STC1: variants seen among roughly 807,000 people sequenced by gnomAD.
The protein encoded by STC1 is stanniocalcin-1.
Under a neutral mutation model 22.6 loss-of-function variants are expected in STC1, and 7 were observed. The ratio of observed to expected loss-of-function variants is 0.31; its 90% CI spans 0.18 to 0.58. The LOEUF (loss-of-function observed/expected upper bound fraction) is 0.58. STC1 is among the 20% of genes least tolerant of loss of function. STC1 has a pLI of 0.89. For synonymous variants in STC1, 113 were observed against 120.7 expected (o/e 0.94, Z 0.42); for missense variants, 224 against 311.0 (o/e 0.72, Z 2.10).
intron 1 of STC1, among the ~76,000 whole-genome samples, chr8:23,853,125 G>A (rs187852252): frequency 9.2e-5 from 14 of 152,278 alleles, no homozygotes; most frequent in African/African-American, 1.4e-4. Context: ...GAAGAAAACC[G>A]CAAAAAACTT....
Position 23,845,039 on chromosome 8 carries a change from A to G in STC1, c.475T>C (p.Tyr159His). 1 of 1,613,762 alleles carries G rather than the reference A, an allele frequency of 6.2e-7. No individual in the cohort carries two copies. The highest frequency in any genetic ancestry group is 8.5e-7 in the Non-Finnish European group (1 of 1,179,784). The change falls in exon 4 of 4, where the codon TAC becomes CAC. Residue 159 changes from tyrosine (Y) to histidine (H), a missense_variant and splice_region_variant. By Grantham distance (83) the Tyr-to-His change is moderately conservative (BLOSUM62 2). Transcript: ENST00000290271. Reference sequence around the variant, plus strand: ...AGGCTTCGGACAAGTCTGTTATAGTATCTGCATCAAGAAAGAGAGTGCATA... The same window carrying G: ...AGGCTTCGGACAAGTCTGTTATAGTGTCTGCATCAAGAAAGAGAGTGCATA... ...VQLPNHFSNR[Y>H]YNRLVRSLLE...
chr8:23,851,610 A>AG, intron 2 of STC1, 79 bp from the exon 3 acceptor site: 2 of 1,371,562 alleles, frequency 1.5e-6, no homozygotes, highest in Middle Eastern at 2.2e-4. Context: ...GAGGAATTTA[A>AG]GGGGGCTCAT....
At position 23,854,750 on chromosome 8, in the gene STC1, C is replaced by T. The variant is rs551631298; in HGVS notation, c.-227G>A. The stretch of plus-strand genomic sequence containing the variant: ...CCGCTGCTGCTGCTGCTGCCACCGC[C>T]GCTGCTGCTGCTGCTGCTGCAGTCG... On this transcript the variant is annotated 5_prime_UTR_variant, in exon 1 of 4. Coordinates refer to ENST00000290271, the MANE Select transcript of STC1 (RefSeq NM_003155.3). 2.7e-5 allele frequency: 17 copies of T among 634,516 alleles called. No individual in the cohort carries two copies. Among genetic ancestry groups the T allele is most frequent in the Admixed American group, 6.6e-5 (3 of 45,318 alleles). The allele number at this position is 634,516 out of a possible 1,614,324, so 39.3% of individuals were successfully genotyped here.
At chr8:23,849,487 C>A (rs144607250) in intron 3 of STC1, among the ~76,000 whole-genome samples, 5 of 152,110 alleles carry the variant, frequency 3.3e-5, no homozygotes, top group Non-Finnish European at 5.9e-5. Flanking sequence ...TCTTTGTGAC[C>A]ATTTTCTAAA....
At chr8:23,853,114 G>A (rs373842547) in intron 1 of STC1, among the ~76,000 whole-genome samples, 8 of 152,220 alleles carry the variant, frequency 5.3e-5, no homozygotes, top group African/African-American at 1.9e-4. Flanking sequence ...ATGCAAGACT[G>A]GAAGAAAACC....
At chr8:23,851,194 TG>T (rs1802633566) in intron 3 of STC1, 125 bp downstream of exon 3, 5 of 917,230 alleles carry the variant, frequency 5.5e-6, no homozygotes, top group Admixed American at 4.1e-5. Flanking sequence ...CTGCAAAAGC[TG>T]GGAAGACTGC....
chr8:23,854,401 C>G lies in STC1; in HGVS notation c.118+5G>C. The G allele has an allele frequency of 6.2e-7, 1 of 1,613,694 alleles. No individual in the cohort carries two copies. Reference sequence around the variant, plus strand: ...GGAGAAACCGCTCTTGGGTTTGCTGCTTACCTGAGTTTTGAGCCGCCACTC... The same window carrying G: ...GGAGAAACCGCTCTTGGGTTTGCTGGTTACCTGAGTTTTGAGCCGCCACTC... On this transcript the variant is annotated splice_donor_5th_base_variant and intron_variant, in intron 1 of 3. Coordinates refer to ENST00000290271, the MANE Select transcript of STC1 (RefSeq NM_003155.3).
At position 23,854,540 on chromosome 8, in the gene STC1, G is replaced by C. The variant is rs200528839; in HGVS notation, c.-17C>G. The C allele has an allele frequency of 4.4e-6, 7 of 1,597,338 alleles. No homozygotes were observed. Among genetic ancestry groups the C allele is most frequent in the Admixed American group, 1.7e-5 (1 of 57,518 alleles). Reference sequence around the variant, plus strand: ...TTGGAGCATTCTCTGAGAAGTTTCCGCTAAGTTGTTGGGTTTTTTTTTTTT... The same window carrying C: ...TTGGAGCATTCTCTGAGAAGTTTCCCCTAAGTTGTTGGGTTTTTTTTTTTT... On this transcript the variant is annotated 5_prime_UTR_variant, in exon 1 of 4. Coordinates refer to ENST00000290271, the MANE Select transcript of STC1 (RefSeq NM_003155.3).
chr8:23,854,416 A>G lies in STC1; in HGVS notation c.108T>C (p.Ala36=), dbSNP rs751399946. The G allele has an allele frequency of 4.3e-6, 7 of 1,613,890 alleles. No homozygotes were observed. In the East Asian group the frequency reaches 1.3e-4, roughly 31 times the overall value. The change falls in exon 1 of 4, where the codon GCT becomes GCC. Residue 36 remains alanine, a synonymous_variant. Transcript: ENST00000290271. ...SVSPRKSRVA[A]QNSAEVVRCL... ...GGGTTTGCTGCTTACCTGAGTTTTGAGCCGCCACTCGGGATTTCCTGGGGC... is the reference window on the plus strand; with the variant it reads ...GGGTTTGCTGCTTACCTGAGTTTTGGGCCGCCACTCGGGATTTCCTGGGGC...
chr8:23,854,215 T>C, intron 1 of STC1, 191 bp downstream of exon 1: 1 of 1,046,408 alleles, frequency 9.6e-7, no homozygotes, highest in South Asian at 1.7e-5. Flanking sequence ...CTTCTTCGTT[T>C]AGTTGCATGC....
At position 23,851,311 on chromosome 8, in the gene STC1, A is replaced by T; in HGVS notation, c.473+9T>A. 1 of 1,613,984 alleles carries T rather than the reference A, an allele frequency of 6.2e-7. No individual in the cohort carries two copies. Among genetic ancestry groups the T allele is most frequent in the Non-Finnish European group, 8.5e-7 (1 of 1,179,946 alleles). ...CCCCTGATTGTGAAAAAGTAGACTC[A>T]GTTTGTACCTGTTGGAGAAGTGATT... is the stretch of plus-strand genomic sequence containing the variant. On this transcript the variant is annotated intron_variant, in intron 3 of 3. Coordinates refer to ENST00000290271, the MANE Select transcript of STC1 (RefSeq NM_003155.3).
chr8:23,845,315 CTG>C (rs1159072363), intron 3 of STC1, among the ~76,000 whole-genome samples: 1 of 152,098 alleles, frequency 6.6e-6, no homozygotes, highest in East Asian at 1.9e-4. Context: ...AGCAGGCTGA[CTG>C]TGGTGACTGA....
rs1486336016 is a variant in STC1 at position 23,844,237 on chromosome 8, G to C, written c.*533C>G. On this transcript the variant is annotated 3_prime_UTR_variant, in exon 4 of 4. Coordinates refer to ENST00000290271, the MANE Select transcript of STC1 (RefSeq NM_003155.3). ...TCGGAAAGAAAATTAGACATTGGAG[G>C]ATCAAGACCATAAGACACTAGCTCA... 1 of 155,310 alleles carries C rather than the reference G, an allele frequency of 6.4e-6. No homozygotes were observed. The highest frequency in any genetic ancestry group is 1.4e-5 in the Non-Finnish European group (1 of 69,658). 9.6% of individuals were successfully genotyped at this position (155,310 alleles called of 1,614,324 possible). A position where few individuals can be genotyped will look rare whatever the true frequency, so the allele number is the denominator to read the frequency against.
rs972474441 is a variant in STC1, at chr8:23,854,189, T to C, written c.118+217A>G. ...GCTAGGCTTATGCAATGAAATACCC[T>C]CAGCAGAGCGTCCAGCTTCTTCGTT... On this transcript the variant is annotated intron_variant, in intron 1 of 3. Coordinates refer to ENST00000290271, the MANE Select transcript of STC1 (RefSeq NM_003155.3). 55 of 1,188,320 alleles carry C rather than the reference T, an allele frequency of 4.6e-5. No homozygotes were observed. The African/African-American group carries it at 6.6e-4, about 14-fold the overall frequency. The allele number at this position is 1,188,320 out of a possible 1,614,324, so 73.6% of individuals were successfully genotyped here. A position where few individuals can be genotyped will look rare whatever the true frequency, so the allele number is the denominator to read the frequency against.
At chr8:23,852,507 A>G (rs1351813667) in intron 1 of STC1, 123 bp from the exon 2 acceptor site, 2 of 1,039,926 alleles carry the variant, frequency 1.9e-6, no homozygotes, top group Non-Finnish European at 2.8e-6. Context: ...GGAATCTGTC[A>G]TGAGGGGCAA....
chr8:23,849,436 C>G (rs1371778490), intron 3 of STC1, among the ~76,000 whole-genome samples: 1 of 152,050 alleles, frequency 6.6e-6, no homozygotes, highest in Non-Finnish European at 1.5e-5. Flanking sequence ...TTGACCTTTC[C>G]TAATGAGTCC....
In STC1 at chr8:23,852,344, G is replaced by A; in HGVS notation, c.159C>T (p.Gly53=). The A allele has an allele frequency of 3.7e-6, 6 of 1,613,044 alleles. No homozygotes were observed. Among genetic ancestry groups the A allele is most frequent in the Non-Finnish European group, 5.1e-6 (6 of 1,179,456 alleles). ...VRCLNSALQV[G]CGAFACLENS... is the part of the protein sequence containing the mutation. ...TTTCCAGGCATGCAAAAGCCCCGCAGCCGACCTGTAGAGCACTGTTGAGGC... is the reference window on the plus strand; with the variant it reads ...TTTCCAGGCATGCAAAAGCCCCGCAACCGACCTGTAGAGCACTGTTGAGGC... The change falls in exon 2 of 4, where the codon GGC becomes GGT. Residue 53 remains glycine, a synonymous_variant. Coordinates refer to ENST00000290271, the MANE Select transcript of STC1 (RefSeq NM_003155.3).
chr8:23,854,126 C>T lies in STC1; in HGVS notation c.118+280G>A, dbSNP rs1802669371. 8 of 1,253,782 alleles carry T rather than the reference C, an allele frequency of 6.4e-6. No homozygotes were observed. In the South Asian group the frequency reaches 1.3e-4, roughly 20 times the overall value. 77.7% of individuals were successfully genotyped at this position (1,253,782 alleles called of 1,614,324 possible). On this transcript the variant is annotated intron_variant, in intron 1 of 3. Coordinates refer to ENST00000290271, the MANE Select transcript of STC1 (RefSeq NM_003155.3). ...GCCTTTCCTCCCCTCTCACCCCTCC[C>T]CCTCCAAGAGGGTACGTGCCAGATT...
chr8:23,845,076 C>G, intron 3 of STC1, 36 bp from the exon 4 acceptor site: 2 of 1,603,014 alleles, frequency 1.2e-6, no homozygotes, highest in Non-Finnish European at 1.7e-6. Context: ...GGTGGTCACC[C>G]AGTGAGAGCC....
Sources: allele counts gnomAD v4.1 joint callset (sites outside exome capture counted in the v4.1 genomes callset), GRCh38; gene constraint gnomAD v4.1.1; transcripts MANE v1.5; gene names NCBI Gene and HGNC (gene_info 2026-07-23, HGNC 2026-07-21).